The following SIK3 variants were observed in gnomAD, a reference collection of about 807,000 sequenced individuals.
SIK3 encodes serine/threonine-protein kinase SIK3.
A neutral mutation model predicts 144.2 loss-of-function variants in SIK3; 28 were observed. That is an observed-to-expected ratio of 0.19 (90% CI 0.14 to 0.27). The LOEUF (loss-of-function observed/expected upper bound fraction) is 0.27. SIK3 is among the 10% of genes least tolerant of loss of function. The pLI is 1.00. For missense variants in SIK3, 1,319 were observed against 1,776.0 expected (o/e 0.74, Z 4.62); for synonymous variants, 686 against 676.3 (o/e 1.01, Z -0.22).
chr11:117,084,566 C>T (rs773407935), intron 1 of SIK3, among the ~76,000 whole-genome samples: 13 of 152,082 alleles, frequency 8.5e-5, no homozygotes, highest in Non-Finnish European at 1.5e-4. Flanking sequence ...GCGCCGGGCC[C>T]AGCCTCCCGT....
intron 4 of SIK3, among the ~76,000 whole-genome samples, chr11:116,899,033 T>G (rs1192021664): frequency 6.6e-6 from 1 of 151,610 alleles, no homozygotes; most frequent in East Asian, 1.9e-4. Context: ...GTTTTAGACA[T>G]GAAGTCCTTG....
intron 3 of SIK3, among the ~76,000 whole-genome samples, chr11:116,949,582 G>A (rs894655814): frequency 2.6e-5 from 4 of 152,028 alleles, no homozygotes; most frequent in East Asian, 1.9e-4. Context: ...TCCTAGGCTC[G>A]AGCCATCCTC....
chr11:117,044,281 C>T (rs1952862933), intron 1 of SIK3, among the ~76,000 whole-genome samples: 1 of 152,072 alleles, frequency 6.6e-6, no homozygotes, highest in Non-Finnish European at 1.5e-5. Context: ...GAAAACTATG[C>T]TTCTAAAAAA....
chr11:117,012,554 C>G (rs911628218), intron 1 of SIK3, among the ~76,000 whole-genome samples: 1 of 152,172 alleles, frequency 6.6e-6, no homozygotes, highest in African/African-American at 2.4e-5. Flanking sequence ...ATGACCTGTA[C>G]TTTGCTATTT....
intron 1 of SIK3, among the ~76,000 whole-genome samples, chr11:117,024,761 C>T (rs982185832): frequency 3.9e-5 from 6 of 151,984 alleles, no homozygotes; most frequent in African/African-American, 1.4e-4. Context: ...ATTACCCAGG[C>T]GTGGTGGCAT....
chr11:117,037,736 T>C (rs1264009558), intron 1 of SIK3, among the ~76,000 whole-genome samples: 2 of 151,948 alleles, frequency 1.3e-5, no homozygotes, highest in Non-Finnish European at 2.9e-5. Context: ...TTGCCCTAGA[T>C]AAAGCAACAG....
chr11:116,944,066 T>G (rs1169371421), intron 3 of SIK3, among the ~76,000 whole-genome samples: 1 of 152,220 alleles, frequency 6.6e-6, no homozygotes, highest in Non-Finnish European at 1.5e-5. Context: ...GTGTATTTTA[T>G]ACTTTATAAG....
Position 117,043,197 on chromosome 11 carries a change from C to G in SIK3, c.273+54946G>C, listed in dbSNP as rs564658477. The stretch of plus-strand genomic sequence containing the variant: ...CATTCCCACCATCCCTCCGAACGTG[C>G]CATGAAACAACTCAATAGACTAAAG... On this transcript the variant is annotated intron_variant, in intron 1 of 24. Coordinates refer to ENST00000445177, the MANE Select transcript of SIK3 (RefSeq NM_001366686.3). Among the ~76,000 whole-genome samples, 28 of 152,176 alleles carry G rather than the reference C, an allele frequency of 1.8e-4. 1 individual carries two copies. The East Asian group carries it at 5.4e-3, about 29-fold the overall frequency.
At chr11:116,974,345 A>G (rs151071186) in intron 1 of SIK3, among the ~76,000 whole-genome samples, 1 of 152,284 alleles carries the variant, frequency 6.6e-6, no homozygotes, top group East Asian at 1.9e-4. Context: ...ACATTTCTTC[A>G]CTAGACTCAC....
At chr11:117,023,602 AAACAAAC>A (rs1253219986) in intron 1 of SIK3, among the ~76,000 whole-genome samples, 4 of 50,060 alleles carry the variant, frequency 8.0e-5, no homozygotes, top group East Asian at 4.5e-4. Context: ...ACAAACAAAC[AAACAAAC>A]AAAAAAAAAA....
intron 1 of SIK3, among the ~76,000 whole-genome samples, chr11:117,020,447 A>T (rs1180083592): frequency 1.3e-5 from 2 of 151,972 alleles, no homozygotes; most frequent in Admixed American, 6.6e-5. Flanking sequence ...TGTTAATGAG[A>T]TGATTTTTGC....
intron 6 of SIK3, among the ~76,000 whole-genome samples, chr11:116,891,088 C>T (rs990481242): frequency 1.8e-4 from 27 of 152,060 alleles, no homozygotes; most frequent in African/African-American, 6.5e-4. Flanking sequence ...GGGAGGATCG[C>T]TTAAGGTTAG....
At chr11:117,070,515 C>T (rs1373601253) in intron 1 of SIK3, among the ~76,000 whole-genome samples, 3 of 151,474 alleles carry the variant, frequency 2.0e-5, no homozygotes, top group African/African-American at 7.3e-5. Context: ...GGCACGATCT[C>T]GGCTCACTGC....
At chr11:117,007,991 G>A (rs113316271) in intron 1 of SIK3, among the ~76,000 whole-genome samples, 4 of 144,376 alleles carry the variant, frequency 2.8e-5, no homozygotes, top group Admixed American at 7.3e-5. Context: ...CAGGAGAATC[G>A]CTTGAACCCG....
Position 116,858,460 on chromosome 11 carries a change from G to C in SIK3, c.3005C>G (p.Pro1002Arg). ...GTGTCTTGTATAGTCTGGCGGCGTG[G>C]GAGACAGCAGGGCCTGCTGTAGTGC... ...TSALQQALLS[P>R]TPPDYTRHQQ... Residue 1002 changes from proline to arginine, a missense_variant, in exon 21 of 25, where the codon CCC becomes CGC. Physicochemically the swap from Pro to Arg is moderately radical, Grantham distance 103. This residue lies in a region of SIK3 where 646 missense variants were observed against 763.7 expected (regional missense o/e 0.85). Transcript: ENST00000445177. This position sits in a 1 kb window ranked among gnomAD's most constrained non-coding sequence, Gnocchi z 5.4. 1 of 1,604,646 alleles carries C rather than the reference G, an allele frequency of 6.2e-7. No individual in the cohort carries two copies. The highest frequency in any genetic ancestry group is 1.1e-5 in the South Asian group (1 of 89,836).
At chr11:116,984,935 A>G (rs1255061505) in intron 1 of SIK3, among the ~76,000 whole-genome samples, 3 of 152,226 alleles carry the variant, frequency 2.0e-5, no homozygotes, top group African/African-American at 7.2e-5. Context: ...ATAGGGACCT[A>G]CAAAAGGTTC....
chr11:117,038,379 C>G (rs1423518699), intron 1 of SIK3, among the ~76,000 whole-genome samples: 3 of 137,810 alleles, frequency 2.2e-5, no homozygotes, highest in South Asian at 2.3e-4. Flanking sequence ...TTTTTTGAGA[C>G]AGAGTCTCGC....
chr11:116,879,016 T>G (rs527959072), intron 6 of SIK3, among the ~76,000 whole-genome samples: 1 of 152,212 alleles, frequency 6.6e-6, no homozygotes, highest in Non-Finnish European at 1.5e-5. Context: ...ACTCCTCCAC[T>G]GCAATGCAAG....
intron 6 of SIK3, 98 bp from the exon 7 acceptor site, chr11:116,877,140 T>A: frequency 2.1e-6 from 2 of 957,252 alleles, no homozygotes; most frequent in South Asian, 2.6e-5. Context: ...GCTATCCAAC[T>A]CCCTGCTTCT....
Sources: gnomAD v4.1 joint callset for allele counts (sites outside exome capture counted in the v4.1 genomes callset) on GRCh38, gnomAD v4.1.1 for gene constraint, gnomAD v4.1.1 regional missense constraint, Gnocchi (gnomAD v3.1) non-coding constraint, MANE v1.5 for transcripts, NCBI Gene and HGNC (gene_info 2026-07-23, HGNC 2026-07-21) for gene names.